The following RFX6 variants were observed in gnomAD, a reference collection of about 807,000 sequenced individuals.
RFX6 encodes DNA-binding protein RFX6.
Under a neutral mutation model 110.8 loss-of-function variants are expected in RFX6, and 50 were observed. That is an observed-to-expected ratio of 0.45 (90% CI 0.36 to 0.57). The LOEUF (loss-of-function observed/expected upper bound fraction) is 0.57, where lower values mean the gene tolerates loss of function less well. Among genes scored for constraint, RFX6 ranks in the 20% least tolerant of loss-of-function variants. The probability of loss-of-function intolerance (pLI) is 0.00; values close to 1 mark genes in which losing one functional copy is unlikely to be tolerated. For synonymous variants in RFX6, 383 were observed against 411.2 expected, an observed-to-expected ratio of 0.93 and a Z score of 0.83; for missense variants, 990 against 1,127.0, an observed-to-expected ratio of 0.88 and a Z score of 1.74.
intron 9 of RFX6, among the ~76,000 whole-genome samples, chr6:116,917,204 G>GT (rs1322369473): frequency 4.6e-5 from 7 of 152,148 alleles, no homozygotes; most frequent in Admixed American, 6.6e-5. Flanking sequence ...GAATAAGAGA[G>GT]TGCATATTTT....
Position 116,877,497 on chromosome 6 carries a change from A to G in RFX6, c.222A>G (p.Ser74=), listed in dbSNP as rs994815397. The change falls in exon 1 of 19, where the codon TCA becomes TCG. Residue 74 remains serine, a splice_region_variant and synonymous_variant. Coordinates refer to ENST00000332958, the MANE Select transcript of RFX6 (RefSeq NM_173560.4). ...CGGAGCTGCCGGGGGCAGTGAAATC[A>G]GGTGAGTGCTCTGCCGCATCCGGAG... ...EDPELPGAVK[S]EMHLNNGNFS... The G allele has an allele frequency of 6.4e-7, 1 of 1,554,154 alleles. No homozygotes were observed. Among genetic ancestry groups the G allele is most frequent in the African/African-American group, 1.4e-5 (1 of 73,398 alleles).
chr6:116,877,866 A>T lies in RFX6; in HGVS notation c.294A>T (p.Lys98Asn). ...CCGACAACCACGACAGCAAAACCAA[A>T]GCAGCGGATCAATACCTGTCTCAGA... is the stretch of plus-strand genomic sequence containing the variant. Reference protein sequence around the residue: ...EDADNHDSKTKAADQYLSQKK... With the variant: ...EDADNHDSKTNAADQYLSQKK... The change falls in exon 2 of 19, where the codon AAA becomes AAT. Residue 98 changes from lysine to asparagine, a missense_variant. Around this residue, in one of 5 missense-constraint regions of RFX6, gnomAD observed 175 missense variants for 162.3 expected, o/e 1.08. Transcript: ENST00000332958. 2 of 1,614,156 alleles carry T rather than the reference A, an allele frequency of 1.2e-6. No homozygotes were observed. Among genetic ancestry groups the T allele is most frequent in the Non-Finnish European group, 1.7e-6 (2 of 1,180,016 alleles).
intron 6 of RFX6, among the ~76,000 whole-genome samples, chr6:116,905,906 A>G (rs1477062296): frequency 4.0e-5 from 6 of 151,584 alleles, no homozygotes; most frequent in African/African-American, 1.5e-4. Flanking sequence ...AGTGTCCTAT[A>G]TAAAATTTTT....
intron 16 of RFX6, 21 bp from the exon 17 acceptor site, chr6:116,927,006 T>C (rs772578544): frequency 1.2e-6 from 2 of 1,605,924 alleles, no homozygotes; most frequent in Non-Finnish European, 8.5e-7. Context: ...ACTAAAGGAA[T>C]GTTCTGGTGA....
intron 6 of RFX6, among the ~76,000 whole-genome samples, chr6:116,899,418 G>T (rs975612419): frequency 6.6e-6 from 1 of 152,104 alleles, no homozygotes; most frequent in Non-Finnish European, 1.5e-5. Flanking sequence ...AAGGGGATTT[G>T]TCTGCCACAT....
At chr6:116,923,952 T>A (rs1250405766) in intron 14 of RFX6, among the ~76,000 whole-genome samples, 1 of 152,320 alleles carries the variant, frequency 6.6e-6, no homozygotes, top group South Asian at 2.1e-4. Context: ...ACTAAATTGT[T>A]TTTATTTAAT....
intron 6 of RFX6, among the ~76,000 whole-genome samples, chr6:116,903,964 A>G (rs778267780): frequency 6.6e-6 from 1 of 151,980 alleles, no homozygotes; most frequent in Non-Finnish European, 1.5e-5. Flanking sequence ...TAACTTTACT[A>G]GTAAAGGTGA....
chr6:116,902,522 G>A (rs568430066), intron 6 of RFX6, among the ~76,000 whole-genome samples: 15 of 152,116 alleles, frequency 9.9e-5, no homozygotes, highest in African/African-American at 3.6e-4. Flanking sequence ...CTCAGAATCT[G>A]TTAATTCACA....
intron 15 of RFX6, 143 bp from the exon 16 acceptor site, chr6:116,925,310 T>C: frequency 1.3e-6 from 1 of 789,980 alleles, no homozygotes; most frequent in Non-Finnish European, 2.2e-6. Context: ...TCTGCCAACC[T>C]CACTTCCCAT....
chr6:116,890,574 TAA>T (rs1562134745), intron 4 of RFX6, among the ~76,000 whole-genome samples: 1 of 152,150 alleles, frequency 6.6e-6, no homozygotes, highest in Non-Finnish European at 1.5e-5. Context: ...GGCATGTATA[TAA>T]GATTGTATGA....
At chr6:116,919,997 T>A (rs1332430281) in intron 11 of RFX6, among the ~76,000 whole-genome samples, 2 of 152,186 alleles carry the variant, frequency 1.3e-5, no homozygotes, top group East Asian at 3.9e-4. Context: ...TATTTTCTTT[T>A]TCTATTTTTT....
chr6:116,877,864 A>G lies in RFX6; in HGVS notation c.292A>G (p.Lys98Glu). The G allele has an allele frequency of 1.9e-6, 3 of 1,614,184 alleles. No homozygotes were observed. The highest frequency in any genetic ancestry group is 2.5e-6 in the Non-Finnish European group (3 of 1,180,020). ...CGCCGACAACCACGACAGCAAAACC[A>G]AAGCAGCGGATCAATACCTGTCTCA... ...EDADNHDSKT[K>E]AADQYLSQKK... Residue 98 changes from lysine (K) to glutamate (E), a missense_variant, in exon 2 of 19, where the codon AAA (lysine) becomes GAA (glutamate). Lys to Glu is a moderately conservative substitution (Grantham distance 56, BLOSUM62 1). This residue lies in a region of RFX6 where 175 missense variants were observed against 162.3 expected (regional missense o/e 1.08). Coordinates refer to ENST00000332958, the MANE Select transcript of RFX6 (RefSeq NM_173560.4).
chr6:116,930,075 T>G (rs1276662769), intron 18 of RFX6, among the ~76,000 whole-genome samples: 4 of 152,214 alleles, frequency 2.6e-5, no homozygotes, highest in Admixed American at 2.0e-4. Flanking sequence ...TTGTTACTAT[T>G]AGTTCTGTTT....
intron 6 of RFX6, among the ~76,000 whole-genome samples, 153 bp from the exon 7 acceptor site, chr6:116,910,782 C>T (rs148332413): frequency 8.2e-4 from 125 of 152,258 alleles, no homozygotes; most frequent in African/African-American, 2.8e-3. Flanking sequence ...TATTCAGTTA[C>T]ACAATCTAAA....
intron 4 of RFX6, among the ~76,000 whole-genome samples, chr6:116,889,443 A>G (rs9400968): frequency 0.35 from 53,343 of 151,892 alleles, 10,401 homozygotes; most frequent in East Asian, 0.51. Context: ...TGCCAATGAT[A>G]CAAGGACAGA....
chr6:116,925,621 A>T lies in RFX6; in HGVS notation c.1847A>T (p.Gln616Leu). ...QPGGLGPALH[Q>L]FPAGNTDNMP... ...GGAGGCCTAGGCCCTGCTCTGCACC[A>T]GTTCCCTGCTGGGAACACAGACAAC... Residue 616 changes from glutamine (Q) to leucine (L), a missense_variant, in exon 16 of 19, where the codon CAG becomes CTG. Gln to Leu is a moderately radical substitution (Grantham distance 113). Coordinates refer to ENST00000332958, the MANE Select transcript of RFX6 (RefSeq NM_173560.4). 1 of 1,614,032 alleles carries T rather than the reference A, an allele frequency of 6.2e-7. No homozygotes were observed. Among genetic ancestry groups the T allele is most frequent in the East Asian group, 2.2e-5 (1 of 44,884 alleles).
chr6:116,915,973 G>C (rs747665830), intron 7 of RFX6, 35 bp from the exon 8 acceptor site: 1 of 1,403,350 alleles, frequency 7.1e-7, no homozygotes, highest in Non-Finnish European at 1.0e-6. Context: ...GTGTTAAAAG[G>C]ATGCTTTGGT....
chr6:116,916,310 A>G lies in RFX6; in HGVS notation c.968A>G (p.Tyr323Cys), dbSNP rs1184731304. The G allele has an allele frequency of 1.3e-6, 2 of 1,581,406 alleles. No individual in the cohort carries two copies. Among genetic ancestry groups the G allele is most frequent in the Admixed American group, 3.3e-5 (2 of 59,910 alleles). ...TTCTGTGTTTGTGACTCAATTCTTT[A>G]TAAGGTAAGCACTTTGGGATGTCTT... ...DIFCVCDSIL[Y>C]KVLTDVLIPA... is the part of the protein sequence containing the mutation. Residue 323 changes from tyrosine (Y) to cysteine (C), a missense_variant, in exon 9 of 19, where the codon TAT (tyrosine) becomes TGT (cysteine). By Grantham distance (194) the Tyr-to-Cys change is radical. Coordinates refer to ENST00000332958, the MANE Select transcript of RFX6 (RefSeq NM_173560.4).
chr6:116,928,463 A>G (rs1775802719), intron 17 of RFX6, among the ~76,000 whole-genome samples: 1 of 152,314 alleles, frequency 6.6e-6, no homozygotes, highest in Non-Finnish European at 1.5e-5. Context: ...ACAGAAGTGT[A>G]ATCTGGTCTT....
Sources: gnomAD v4.1 joint callset for allele counts (sites outside exome capture counted in the v4.1 genomes callset) on GRCh38, gnomAD v4.1.1 for gene constraint, gnomAD v4.1.1 regional missense constraint, MANE v1.5 for transcripts, NCBI Gene and HGNC (gene_info 2026-07-23, HGNC 2026-07-21) for gene names.